The following CNTNAP3B variants were observed in gnomAD, a reference collection of about 807,000 sequenced individuals.
CNTNAP3B encodes contactin-associated protein-like 3B.
CNTNAP3B carries 25 observed loss-of-function variants against 108.9 expected under a neutral mutation model. That is an observed-to-expected ratio of 0.23 (90% CI 0.17 to 0.32). The LOEUF (loss-of-function observed/expected upper bound fraction) is 0.32, where lower values mean the gene tolerates loss of function less well. Ranked by LOEUF, CNTNAP3B falls within the 10% of genes least tolerant of loss-of-function variation. CNTNAP3B has a pLI of 1.00. For missense variants in CNTNAP3B, 252 were observed against 1,210.4 expected (o/e 0.21, Z 11.75); for synonymous variants, 103 against 473.4 (o/e 0.22, Z 10.16).
At chr9:41,966,544 A>G (rs1908879) in intron 10 of CNTNAP3B, among the ~76,000 whole-genome samples, 128,931 of 152,034 alleles carry the variant, frequency 0.85, 52,915 homozygotes, top group Admixed American at 0.88. Flanking sequence ...AGGAGGTGAC[A>G]GAGGCCTCCC....
At chr9:41,919,557 T>C (rs1385816134) in intron 18 of CNTNAP3B, among the ~76,000 whole-genome samples, 575 of 151,652 alleles carry the variant, frequency 3.8e-3, no homozygotes, top group African/African-American at 0.014. Context: ...TCTTTTCCCC[T>C]TCTAGTTAGT....
intron 17 of CNTNAP3B, among the ~76,000 whole-genome samples, chr9:41,921,544 C>T (rs537518649): frequency 3.4e-3 from 522 of 152,062 alleles, no homozygotes; most frequent in African/African-American, 0.012. Flanking sequence ...CATCCTTATT[C>T]GCTTTAAAAC....
intron 15 of CNTNAP3B, among the ~76,000 whole-genome samples, chr9:41,925,518 G>A (rs932007501): frequency 5.9e-5 from 9 of 152,394 alleles, no homozygotes; most frequent in Admixed American, 2.6e-4. Flanking sequence ...ACGTGAACCC[G>A]GGAGGCGGAG....
At chr9:42,030,812 A>T (rs200916750) in intron 3 of CNTNAP3B, among the ~76,000 whole-genome samples, 39 of 44,302 alleles carry the variant, frequency 8.8e-4, no homozygotes, top group East Asian at 5.0e-3. Context: ...AGAGAGAGAG[A>T]GGAGAGAGAG....
At chr9:41,916,540 T>C (rs1266699511) in intron 18 of CNTNAP3B, among the ~76,000 whole-genome samples, 1 of 152,034 alleles carries the variant, frequency 6.6e-6, no homozygotes, top group African/African-American at 2.4e-5. Context: ...CTGCTTTTTG[T>C]AAGTAGGGAT....
chr9:42,021,516 C>A (rs1215339951), intron 3 of CNTNAP3B, among the ~76,000 whole-genome samples: 28 of 110,046 alleles, frequency 2.5e-4, no homozygotes, highest in African/African-American at 9.8e-4. Flanking sequence ...CACACAGATC[C>A]ATCAATGAAC....
intron 14 of CNTNAP3B, among the ~76,000 whole-genome samples, chr9:41,934,907 G>A (rs1266295451): frequency 1.3e-5 from 2 of 152,286 alleles, no homozygotes; most frequent in Non-Finnish European, 2.9e-5. Flanking sequence ...TACTTTTAAA[G>A]ACTCTAAGAT....
At chr9:42,076,441 A>C (rs1371242701) in intron 3 of CNTNAP3B, among the ~76,000 whole-genome samples, 2 of 129,976 alleles carry the variant, frequency 1.5e-5, no homozygotes, top group Admixed American at 7.7e-5. Context: ...AAAAAAAAAA[A>C]AAAACAAGAA....
chr9:42,112,868 G>GTTT (rs61267342), intron 1 of CNTNAP3B, among the ~76,000 whole-genome samples: 3,335 of 95,454 alleles, frequency 0.035, 303 homozygotes, highest in South Asian at 0.07. Flanking sequence ...AGTTTACAGA[G>GTTT]TTTTTTTTTT....
intron 12 of CNTNAP3B, among the ~76,000 whole-genome samples, chr9:41,960,516 C>T (rs1210637004): frequency 3.3e-5 from 5 of 152,198 alleles, no homozygotes; most frequent in Non-Finnish European, 7.3e-5. Context: ...TATCATGATG[C>T]ACATGAACAG....
At chr9:42,089,776 T>A (rs891703196) in intron 2 of CNTNAP3B, among the ~76,000 whole-genome samples, 10 of 144,254 alleles carry the variant, frequency 6.9e-5, no homozygotes, top group Admixed American at 2.7e-4. Context: ...TGTTTCCATT[T>A]GCTCTGTGTT....
intron 18 of CNTNAP3B, among the ~76,000 whole-genome samples, chr9:41,913,553 A>G (rs1251486113): frequency 7.0e-6 from 1 of 141,944 alleles, no homozygotes; most frequent in Non-Finnish European, 1.5e-5. Flanking sequence ...TTAACCATTT[A>G]AAATATGAAA....
intron 3 of CNTNAP3B, among the ~76,000 whole-genome samples, chr9:42,044,595 G>A (rs1486924830): frequency 1.5e-5 from 2 of 130,366 alleles, no homozygotes; most frequent in African/African-American, 6.0e-5. Context: ...GGGGCCCAGA[G>A]AGTTTACACG....
In CNTNAP3B at chr9:41,922,495, A is replaced by G. The variant is rs867337688; in HGVS notation, c.2755+182T>C. On this transcript the variant is annotated intron_variant, in intron 17 of 23. Coordinates refer to ENST00000377561, the MANE Select transcript of CNTNAP3B (RefSeq NM_001201380.3). Reference sequence around the variant, plus strand: ...CAAAAATAAAAACAAAAACAAACAAACAAAAGAAATGTCACATAAGAAGCA... The same window carrying G: ...CAAAAATAAAAACAAAAACAAACAAGCAAAAGAAATGTCACATAAGAAGCA... 2.9e-4 allele frequency among the ~76,000 whole-genome samples: 41 copies of G among 142,484 alleles called. 2 individuals carry two copies. Among genetic ancestry groups the G allele is most frequent in the African/African-American group, 1.1e-3 (40 of 36,370 alleles). 93.5% of individuals were successfully genotyped at this position (142,484 alleles called of 152,430 possible).
intron 1 of CNTNAP3B, among the ~76,000 whole-genome samples, chr9:42,123,863 C>A (rs1205371457): frequency 8.0e-6 from 1 of 125,686 alleles, no homozygotes; most frequent in East Asian, 2.5e-4. Context: ...TAAGGCATAA[C>A]TCAACATGTT....
rs1827963147 is a variant in CNTNAP3B at position 42,098,732 on chromosome 9, CA to C, written c.196+5896del. Among the ~76,000 whole-genome samples, 2 of 123,488 alleles carry C rather than the reference CA, an allele frequency of 1.6e-5. 1 individual carries two copies. The highest frequency in any genetic ancestry group is 3.4e-5 in the Non-Finnish European group (2 of 58,902). The allele number at this position is 123,488 out of a possible 152,430, so 81.0% of individuals were successfully genotyped here. A position where few individuals can be genotyped will look rare whatever the true frequency, so the allele number is the denominator to read the frequency against. On this transcript the variant is annotated intron_variant, in intron 2 of 23. Coordinates refer to ENST00000377561, the MANE Select transcript of CNTNAP3B (RefSeq NM_001201380.3). ...ACTATGGTTTCATATTCACTGAATACAAGTAAATTAATGAAACATTTTCAGG... is the reference window on the plus strand; with the variant it reads ...ACTATGGTTTCATATTCACTGAATACAGTAAATTAATGAAACATTTTCAGG...
intron 3 of CNTNAP3B, among the ~76,000 whole-genome samples, chr9:42,018,633 G>A (rs533579832): frequency 1.1e-3 from 172 of 151,668 alleles, no homozygotes; most frequent in Non-Finnish European, 3.4e-4. Flanking sequence ...ACACAGACAG[G>A]ACTGTGAGGC....
intron 3 of CNTNAP3B, among the ~76,000 whole-genome samples, chr9:42,015,607 C>A (rs1217636322): frequency 1.7e-5 from 1 of 59,904 alleles, no homozygotes; most frequent in African/African-American, 6.7e-5. Flanking sequence ...GGAAATCAAT[C>A]AGCCCACCAC....
intron 17 of CNTNAP3B, among the ~76,000 whole-genome samples, chr9:41,920,789 T>A (rs1432948824): frequency 6.6e-6 from 1 of 152,310 alleles, no homozygotes; most frequent in Non-Finnish European, 1.5e-5. Context: ...CTTACTTGGA[T>A]GGACTCTAAA....
Sources: allele counts gnomAD v4.1 joint callset (sites outside exome capture counted in the v4.1 genomes callset), GRCh38; gene constraint gnomAD v4.1.1; transcripts MANE v1.5; gene names NCBI Gene and HGNC (gene_info 2026-07-23, HGNC 2026-07-21).